The following MEGF6 variants were observed in gnomAD, a reference collection of about 807,000 sequenced individuals.
MEGF6 encodes multiple EGF like domains 6, also known as multiple epidermal growth factor-like domains protein 6.
In MEGF6, 184 loss-of-function variants were observed where a neutral mutation model predicts 207.1. The observed-to-expected ratio is 0.89, with a 90% CI of 0.79 to 1.00. The LOEUF (loss-of-function observed/expected upper bound fraction) is 1.00, where lower values mean the gene tolerates loss of function less well. MEGF6 is among the 50% of genes least tolerant of loss of function. MEGF6 has a pLI of 0.00. For synonymous variants in MEGF6, 1,038 were observed against 910.0 expected, an observed-to-expected ratio of 1.14 and a Z score of -2.53; for missense variants, 2,282 against 2,202.9, an observed-to-expected ratio of 1.04 and a Z score of -0.72.
chr1:3,576,233 G>C (rs1643638024), intron 4 of MEGF6, among the ~76,000 whole-genome samples: 1 of 152,248 alleles, frequency 6.6e-6, no homozygotes, highest in African/African-American at 2.4e-5. Context: ...GGCTCCCGCT[G>C]CTTCTGCGGA....
At chr1:3,604,640 C>G (rs1290386665) in intron 1 of MEGF6, among the ~76,000 whole-genome samples, 2 of 152,170 alleles carry the variant, frequency 1.3e-5, no homozygotes, top group Non-Finnish European at 2.9e-5. Context: ...TGCCCAGCAC[C>G]AGGTCCTTTC....
intron 17 of MEGF6, among the ~76,000 whole-genome samples, chr1:3,503,083 G>C (rs968763178): frequency 2.0e-5 from 3 of 152,202 alleles, no homozygotes; most frequent in Non-Finnish European, 4.4e-5. Flanking sequence ...GATGTGCCCT[G>C]CCTGGGGAGG....
At chr1:3,502,530 TG>T (rs1640947668) in intron 17 of MEGF6, among the ~76,000 whole-genome samples, 1 of 151,730 alleles carries the variant, frequency 6.6e-6, no homozygotes, top group African/African-American at 2.4e-5. Context: ...CCCTGTGGGA[TG>T]GGGCTAGAAT....
upstream of MEGF6, among the ~76,000 whole-genome samples, chr1:3,615,588 G>A (rs559997308): frequency 2.0e-5 from 3 of 152,358 alleles, no homozygotes; most frequent in South Asian, 6.2e-4. Flanking sequence ...ACATCCCTGC[G>A]TGTTCTTGGG....
intron 1 of MEGF6, among the ~76,000 whole-genome samples, chr1:3,609,344 A>G (rs1644295042): frequency 6.6e-6 from 1 of 152,204 alleles, no homozygotes; most frequent in African/African-American, 2.4e-5. Flanking sequence ...CACTCAGCCC[A>G]CCAACTCCGG....
rs529392602 is a variant in MEGF6 at position 3,543,014 on chromosome 1, C to T, written c.482-18768G>A. On this transcript the variant is annotated intron_variant, in intron 4 of 36. Transcript: ENST00000356575. ...GGGTGGGCACATGTCAGAGGCCGTG[C>T]CCTGCCCAGGAAATGGCAGAAGCAG... Among the ~76,000 whole-genome samples the T allele has an allele frequency of 3.3e-5, 5 of 152,346 alleles. No homozygotes were observed. The South Asian group carries it at 1.0e-3, about 32-fold the overall frequency.
intron 4 of MEGF6, among the ~76,000 whole-genome samples, chr1:3,541,399 G>A (rs1026642111): frequency 9.9e-5 from 15 of 152,244 alleles, no homozygotes; most frequent in Non-Finnish European, 1.3e-4. Context: ...TGGAAATGCC[G>A]TTCTCCTGGG....
rs1239396338 is a variant in MEGF6 at position 3,524,225 on chromosome 1, T to C, written c.503A>G (p.His168Arg). 15 of 1,612,410 alleles carry C rather than the reference T, an allele frequency of 9.3e-6. No homozygotes were observed. The highest frequency in any genetic ancestry group is 4.5e-5 in the East Asian group (2 of 44,868). Residue 168 changes from histidine to arginine, a missense_variant, in exon 5 of 37, where the codon CAC (histidine) becomes CGC (arginine). His to Arg is a conservative substitution (Grantham distance 29). Transcript: ENST00000356575. ...CQYDVDECRT[H>R]NGGCQHRCVN... is the part of the protein sequence containing the mutation. ...GCACCGGTGCTGGCAGCCACCGTTG[T>C]GGGTTCGGCATTCGTCCACATCTGA...
intron 14 of MEGF6, among the ~76,000 whole-genome samples, chr1:3,506,554 C>A (rs1312963010): frequency 6.6e-6 from 1 of 152,222 alleles, no homozygotes; most frequent in Non-Finnish European, 1.5e-5. Flanking sequence ...CTTCTGTCCC[C>A]TGGTGGTCAC....
At position 3,579,804 on chromosome 1, in the gene MEGF6, TCCC is replaced by T; in HGVS notation, c.481+18_481+20del. Reference sequence around the variant, plus strand: ...AGGCTGGCCATGGCCAGGGCCTTGGTCCCCCAGGGGCTCCACTCACCATACTGA... The same window carrying T: ...AGGCTGGCCATGGCCAGGGCCTTGGTCCAGGGGCTCCACTCACCATACTGA... On this transcript the variant is annotated intron_variant, in intron 4 of 36. Coordinates refer to ENST00000356575, the MANE Select transcript of MEGF6 (RefSeq NM_001409.4). 1 of 1,445,664 alleles carries T rather than the reference TCCC, an allele frequency of 6.9e-7. No individual in the cohort carries two copies. Among genetic ancestry groups the T allele is most frequent in the South Asian group, 1.5e-5 (1 of 66,110 alleles). 89.6% of individuals were successfully genotyped at this position (1,445,664 alleles called of 1,614,324 possible). A position where few individuals can be genotyped will look rare whatever the true frequency, so the allele number is the denominator to read the frequency against.
rs1305509789 is a variant in MEGF6 at position 3,489,434 on chromosome 1, C to T, written c.*1094G>A. ...GGCCACCCCACTCTGCAGAGGAGCC[C>T]CCAGCCACCACCTCTACCCTCTGCC... On this transcript the variant is annotated 3_prime_UTR_variant, in exon 37 of 37. Coordinates refer to ENST00000356575, the MANE Select transcript of MEGF6 (RefSeq NM_001409.4). 6.6e-6 allele frequency among the ~76,000 whole-genome samples: 1 copy of T among 152,214 alleles called. No individual in the cohort carries two copies. The highest frequency in any genetic ancestry group is 2.4e-5 in the African/African-American group (1 of 41,446).
At chr1:3,553,756 C>T (rs977541309) in intron 4 of MEGF6, among the ~76,000 whole-genome samples, 5 of 152,176 alleles carry the variant, frequency 3.3e-5, no homozygotes, top group Non-Finnish European at 7.4e-5. Context: ...GGCAGGGCAG[C>T]GGCAGGCATC....
chr1:3,529,973 C>T (rs1642094213), intron 4 of MEGF6, among the ~76,000 whole-genome samples: 1 of 152,258 alleles, frequency 6.6e-6, no homozygotes, highest in South Asian at 2.1e-4. Flanking sequence ...AGGGAGCACA[C>T]ACCATTACCT....
At chr1:3,618,162 C>T in the MEGF6 span, among the ~76,000 whole-genome samples, 1 of 152,226 alleles carries the variant, frequency 6.6e-6, no homozygotes, top group African/African-American at 2.4e-5. This position sits in a 1 kb window ranked among gnomAD's most constrained non-coding sequence, Gnocchi z 4.7. Flanking sequence ...GGCAGGGCGC[C>T]CTGCTGTCCA....
intron 2 of MEGF6, among the ~76,000 whole-genome samples, 166 bp downstream of exon 2, chr1:3,602,300 C>T (rs1009317483): frequency 4.6e-5 from 7 of 152,196 alleles, no homozygotes; most frequent in African/African-American, 1.7e-4. Context: ...CAGACCCACC[C>T]TGAGGGTGGG....
intron 5 of MEGF6, 135 bp from the exon 6 acceptor site, chr1:3,515,662 CT>C (rs1364439256): frequency 9.1e-7 from 1 of 1,096,900 alleles, no homozygotes; most frequent in African/African-American, 1.6e-5. Flanking sequence ...CTCCGAGCCC[CT>C]CCGCCTTTTC....
the MEGF6 span, among the ~76,000 whole-genome samples, chr1:3,623,998 C>G: frequency 1.0e-3 from 154 of 152,324 alleles, 1 homozygote; most frequent in African/African-American, 3.6e-3. Flanking sequence ...CGGTTCTCAT[C>G]CCGGCGATTC....
At chr1:3,616,636 C>T in the MEGF6 span, among the ~76,000 whole-genome samples, 1 of 152,184 alleles carries the variant, frequency 6.6e-6, no homozygotes, top group Non-Finnish European at 1.5e-5. Flanking sequence ...ACCAGAAACC[C>T]TGCACCAAAT....
intron 3 of MEGF6, among the ~76,000 whole-genome samples, chr1:3,592,845 G>T (rs142837907): frequency 1.3e-5 from 2 of 152,200 alleles, no homozygotes; most frequent in African/African-American, 4.8e-5. Flanking sequence ...CGCTAAAAAC[G>T]AATGTTTAAA....
Sources: allele counts gnomAD v4.1 joint callset (sites outside exome capture counted in the v4.1 genomes callset), GRCh38; gene constraint gnomAD v4.1.1; non-coding constraint Gnocchi (gnomAD v3.1); transcripts MANE v1.5; gene names NCBI Gene and HGNC (gene_info 2026-07-23, HGNC 2026-07-21).